Variants in NCAM2 observed in about 807,000 individuals in gnomAD.
The protein encoded by NCAM2 is neural cell adhesion molecule 2.
Under a neutral mutation model 98.1 loss-of-function variants are expected in NCAM2, and 30 were observed. The observed-to-expected ratio is 0.31, with a 90% CI of 0.23 to 0.41. NCAM2 has a LOEUF of 0.41. NCAM2 is among the 10% of genes least tolerant of loss of function. The probability of loss-of-function intolerance (pLI) is 1.00; values close to 1 mark genes in which losing one functional copy is unlikely to be tolerated. For synonymous variants in NCAM2, 368 were observed against 342.4 expected, an observed-to-expected ratio of 1.07 and a Z score of -0.83; for missense variants, 867 against 1,005.8, an observed-to-expected ratio of 0.86 and a Z score of 1.87.
intron 12 of NCAM2, among the ~76,000 whole-genome samples, chr21:21,443,702 ATAG>A (rs1979662008): frequency 6.6e-6 from 1 of 152,150 alleles, no homozygotes; most frequent in Non-Finnish European, 1.5e-5. Context: ...CTTTTCCATT[ATAG>A]TAGAGGCAGT....
chr21:21,009,341 A>G (rs2064165198), intron 1 of NCAM2, among the ~76,000 whole-genome samples: 1 of 152,116 alleles, frequency 6.6e-6, no homozygotes, highest in African/African-American at 2.4e-5. Context: ...AAATATATGA[A>G]CGTCTATAAA....
intron 1 of NCAM2, among the ~76,000 whole-genome samples, chr21:21,156,763 G>A (rs528563513): frequency 1.3e-5 from 2 of 152,110 alleles, no homozygotes; most frequent in East Asian, 1.9e-4. Flanking sequence ...TCATAATTAT[G>A]TACAGAGCTA....
intron 9 of NCAM2, among the ~76,000 whole-genome samples, chr21:21,389,548 A>G (rs1216910235): frequency 6.6e-6 from 1 of 152,094 alleles, no homozygotes; most frequent in Non-Finnish European, 1.5e-5. Context: ...TCTAACTGCA[A>G]TTTTGTACCC....
At position 21,261,913 on chromosome 21, in the gene NCAM2, A is replaced by T. The variant is rs148369675; in HGVS notation, c.56-18665A>T. Among the ~76,000 whole-genome samples the T allele has an allele frequency of 7.7e-3, 1,177 of 152,254 alleles. 9 individuals are homozygous for T. The highest frequency in any genetic ancestry group is 0.013 in the Non-Finnish European group (865 of 67,996). Reference sequence around the variant, plus strand: ...AAAAAATCATACAAAGAATTAATGAAATAAAAAGTTAATTATTTGAAAGGT... The same window carrying T: ...AAAAAATCATACAAAGAATTAATGATATAAAAAGTTAATTATTTGAAAGGT... On this transcript the variant is annotated intron_variant, in intron 1 of 17. Transcript: ENST00000400546.
rs985678907 is a variant in NCAM2, at chr21:21,539,479, C to G, written c.*1522C>G. ...GCAGAAACCTGCTCTGGGTGTGTCT[C>G]TCTGTAGAGATAACCTGATGATTAT... On this transcript the variant is annotated 3_prime_UTR_variant, in exon 18 of 18. Transcript: ENST00000400546. 6.6e-6 allele frequency: 1 copy of G among 152,068 alleles called. No homozygotes were observed. Among genetic ancestry groups the G allele is most frequent in the Admixed American group, 6.6e-5 (1 of 15,240 alleles). The allele number at this position is 152,068 out of a possible 1,614,324, so 9.4% of individuals were successfully genotyped here. A position where few individuals can be genotyped will look rare whatever the true frequency, so the allele number is the denominator to read the frequency against.
intron 1 of NCAM2, among the ~76,000 whole-genome samples, chr21:21,076,635 T>C (rs8133576): frequency 0.21 from 32,142 of 152,138 alleles, 3,851 homozygotes; most frequent in African/African-American, 0.31. Context: ...ATAAAGAATC[T>C]TCCTGATATT....
At chr21:21,071,938 A>C (rs1278006743) in intron 1 of NCAM2, among the ~76,000 whole-genome samples, 1 of 146,728 alleles carries the variant, frequency 6.8e-6, no homozygotes, top group Non-Finnish European at 1.5e-5. Flanking sequence ...TTTGAGACGG[A>C]GTGTTGCTCT....
At chr21:21,223,715 C>A (rs2070264033) in intron 1 of NCAM2, 1 of 152,056 alleles carries the variant, frequency 6.6e-6, no homozygotes, top group African/African-American at 2.4e-5. Flanking sequence ...TCTGAAAGTT[C>A]TTTTCCGACT....
At chr21:21,281,844 C>G (rs991304607) in intron 2 of NCAM2, among the ~76,000 whole-genome samples, 1 of 151,050 alleles carries the variant, frequency 6.6e-6, no homozygotes, top group East Asian at 1.9e-4. Context: ...TTTATTTAAA[C>G]CAAGATTCAA....
chr21:21,359,541 A>G (rs1018690021), intron 8 of NCAM2, among the ~76,000 whole-genome samples: 3 of 151,984 alleles, frequency 2.0e-5, no homozygotes, highest in Non-Finnish European at 2.9e-5. Flanking sequence ...TTTGAAGTCT[A>G]TAATAAGACC....
chr21:21,325,829 A>G (rs232472), intron 6 of NCAM2, among the ~76,000 whole-genome samples: 103,719 of 151,990 alleles, frequency 0.68, 36,156 homozygotes, highest in Non-Finnish European at 0.77. Context: ...AGGAAATTGA[A>G]CAACAAACAT....
intron 1 of NCAM2, among the ~76,000 whole-genome samples, chr21:21,009,883 C>CTGTGTGTGTGTGTGTGTGTG (rs5842868): frequency 0.019 from 2,700 of 139,644 alleles, 46 homozygotes; most frequent in Admixed American, 0.031. Context: ...CCTCTGATAG[C>CTGTGTGTGTGTGTGTGTGTG]TGTGTGTGTG....
At chr21:21,150,952 CTT>C (rs527415813) in intron 1 of NCAM2, among the ~76,000 whole-genome samples, 3 of 144,264 alleles carry the variant, frequency 2.1e-5, no homozygotes, top group Non-Finnish European at 3.1e-5. Flanking sequence ...TCTTGGCTAA[CTT>C]TTTTTTGTGG....
chr21:21,132,106 T>G (rs1275141497), intron 1 of NCAM2, among the ~76,000 whole-genome samples: 2 of 152,212 alleles, frequency 1.3e-5, no homozygotes, highest in East Asian at 3.9e-4. Context: ...GTTTCCCGCA[T>G]GCATTTGCTC....
At chr21:21,314,680 T>C (rs2074163513) in intron 5 of NCAM2, among the ~76,000 whole-genome samples, 1 of 152,192 alleles carries the variant, frequency 6.6e-6, no homozygotes, top group African/African-American at 2.4e-5. Flanking sequence ...CCTTTTGTTT[T>C]CAAAATTGGA....
At chr21:21,388,435 G>A (rs1008814035) in intron 9 of NCAM2, among the ~76,000 whole-genome samples, 1 of 152,126 alleles carries the variant, frequency 6.6e-6, no homozygotes, top group African/African-American at 2.4e-5. Flanking sequence ...TCAAGCAAGA[G>A]CAATTCTAGG....
intron 7 of NCAM2, 91 bp downstream of exon 7, chr21:21,335,756 T>G (rs2074848363): frequency 9.4e-7 from 1 of 1,059,860 alleles, no homozygotes; most frequent in African/African-American, 1.7e-5. Flanking sequence ...ATTTAAACTT[T>G]CCATATTAAA....
chr21:21,246,258 C>T (rs2071267080), intron 1 of NCAM2, among the ~76,000 whole-genome samples: 2 of 152,078 alleles, frequency 1.3e-5, no homozygotes, highest in Admixed American at 1.3e-4. Context: ...GATATCCTGA[C>T]TGCAAGCTCA....
chr21:21,491,616 T>C (rs529173697), intron 15 of NCAM2, among the ~76,000 whole-genome samples: 1 of 151,850 alleles, frequency 6.6e-6, no homozygotes, highest in African/African-American at 2.4e-5. Context: ...ATTTTTCTTT[T>C]AGAGCAAAAT....
Sources: allele counts gnomAD v4.1 joint callset (sites outside exome capture counted in the v4.1 genomes callset), GRCh38; gene constraint gnomAD v4.1.1; transcripts MANE v1.5; gene names NCBI Gene and HGNC (gene_info 2026-07-23, HGNC 2026-07-21).